CCDC191: variants seen among roughly 807,000 people sequenced by gnomAD.
The protein encoded by CCDC191 is coiled-coil domain containing 191, also known as coiled-coil domain-containing protein 191.
Under a neutral mutation model 114.0 loss-of-function variants are expected in CCDC191, and 99 were observed. The ratio of observed to expected loss-of-function variants is 0.87; its 90% CI spans 0.74 to 1.03. CCDC191 has a LOEUF of 1.03. Among genes scored for constraint, CCDC191 ranks in the 50% least tolerant of loss-of-function variants. CCDC191 has a pLI of 0.00. For synonymous variants in CCDC191, 351 were observed against 376.0 expected (o/e 0.93, Z 0.77); for missense variants, 973 against 1,087.0 (o/e 0.90, Z 1.47).
intron 3 of CCDC191, 84 bp from the exon 4 acceptor site, chr3:114,042,930 T>A: frequency 7.9e-7 from 1 of 1,264,492 alleles, no homozygotes; most frequent in Non-Finnish European, 1.1e-6. Flanking sequence ...TCAATAAATA[T>A]TAATTGAGTA....
At chr3:114,054,925 A>C (rs969242580) in intron 1 of CCDC191, among the ~76,000 whole-genome samples, 1 of 152,028 alleles carries the variant, frequency 6.6e-6, no homozygotes, top group Non-Finnish European at 1.5e-5. Flanking sequence ...TATCCTGATG[A>C]TTTGTCATTG....
intron 16 of CCDC191, among the ~76,000 whole-genome samples, chr3:113,965,595 T>C (rs1559861146): frequency 6.6e-6 from 1 of 152,208 alleles, no homozygotes; most frequent in East Asian, 1.9e-4. Context: ...TTTTATTTTA[T>C]TTATTTTCTT....
At chr3:114,036,383 C>CT (rs1254581454) in intron 5 of CCDC191, among the ~76,000 whole-genome samples, 1 of 151,758 alleles carries the variant, frequency 6.6e-6, no homozygotes, top group Non-Finnish European at 1.5e-5. Context: ...ATCAATTATT[C>CT]TTTTTTTTCT....
chr3:114,054,062 C>G (rs2076733178), intron 1 of CCDC191: 1 of 153,122 alleles, frequency 6.5e-6, no homozygotes, highest in Non-Finnish European at 1.5e-5. Flanking sequence ...TCTCCTTACT[C>G]CTTTCATAAG....
intron 2 of CCDC191, among the ~76,000 whole-genome samples, chr3:114,050,166 G>A (rs1004295459): frequency 6.6e-6 from 1 of 152,140 alleles, no homozygotes; most frequent in African/African-American, 2.4e-5. Flanking sequence ...TTATTCCCAC[G>A]ATCTTATAAA....
intron 7 of CCDC191, among the ~76,000 whole-genome samples, chr3:114,030,230 GTGTCTAACATTCATATT>G (rs2076385133): frequency 6.6e-6 from 1 of 152,138 alleles, no homozygotes; most frequent in African/African-American, 2.4e-5. Flanking sequence ...AACTGCATAT[GTGTCTAACATTCATATT>G]TGGCAGTTCC....
chr3:113,989,214 C>T (rs1235742524), intron 13 of CCDC191, among the ~76,000 whole-genome samples: 1 of 152,176 alleles, frequency 6.6e-6, no homozygotes, highest in Non-Finnish European at 1.5e-5. Context: ...CTTCAATAGT[C>T]CTCTCTCAAT....
In CCDC191 at chr3:114,053,593, T is replaced by C; in HGVS notation, c.129+4A>G. The C allele has an allele frequency of 6.4e-7, 1 of 1,563,450 alleles. No individual in the cohort carries two copies. Among genetic ancestry groups the C allele is most frequent in the Non-Finnish European group, 8.8e-7 (1 of 1,139,238 alleles). ...TTTTTATTCTAAATTTGAAATATCC[T>C]TACCTTTATCCAGTGTTCCACACTG... On this transcript the variant is annotated splice_donor_region_variant and intron_variant, in intron 2 of 16. Transcript: ENST00000295878.
At position 113,965,083 on chromosome 3, in the gene CCDC191, G is replaced by T; in HGVS notation, c.*72C>A. The T allele has an allele frequency of 1.2e-6, 1 of 822,788 alleles. No homozygotes were observed. The highest frequency in any genetic ancestry group is 1.9e-6 in the Non-Finnish European group (1 of 521,578). The allele number at this position is 822,788 out of a possible 1,614,324, so 51.0% of individuals were successfully genotyped here. A position where few individuals can be genotyped will look rare whatever the true frequency, so the allele number is the denominator to read the frequency against. On this transcript the variant is annotated 3_prime_UTR_variant, in exon 17 of 17. Coordinates refer to ENST00000295878, the MANE Select transcript of CCDC191 (RefSeq NM_020817.2). ...ATAAACCAGGTGTATGTATGTATGT[G>T]TGTGGGTGGGTGGAGATAACACACA...
rs753367490 is a variant in CCDC191, at chr3:113,965,377, GA to G, written c.2607-19del. 5.4e-6 allele frequency: 8 copies of G among 1,490,304 alleles called. 1 individual carries two copies. The Admixed American group carries it at 1.3e-4, about 25-fold the overall frequency. 92.3% of individuals were successfully genotyped at this position (1,490,304 alleles called of 1,614,324 possible). A position where few individuals can be genotyped will look rare whatever the true frequency, so the allele number is the denominator to read the frequency against. Reference sequence around the variant, plus strand: ...GGATCCTCCTTTAAGAATAAAGAAGGAAAAAAGTGAAATGTTGAGAAAAAGT... The same window carrying G: ...GGATCCTCCTTTAAGAATAAAGAAGGAAAAAGTGAAATGTTGAGAAAAAGT... On this transcript the variant is annotated intron_variant, in intron 16 of 16. Transcript: ENST00000295878.
At chr3:114,027,601 C>CAAAAAAAAAAAAAA (rs67548547) in intron 7 of CCDC191, among the ~76,000 whole-genome samples, 2 of 60,122 alleles carry the variant, frequency 3.3e-5, no homozygotes, top group Non-Finnish European at 3.3e-5. Context: ...GACTCTGTCT[C>CAAAAAAAAAAAAAA]AAAAAAAAAA....
In CCDC191 at chr3:114,042,709, A is replaced by C; in HGVS notation, c.409T>G (p.Phe137Val). The part of the protein sequence containing the change: ...EANGHLKYDK[F>V]DDLCGYLEEE... ...CAATCAGGTAAGTTCTTACCATCAA[A>C]CTTGTCATATTTCAAATGGCCATTG... is the stretch of plus-strand genomic sequence containing the variant. The change falls in exon 4 of 17, where the codon TTT becomes GTT. Residue 137 changes from phenylalanine (F) to valine (V), a missense_variant. Phe to Val is a conservative substitution (Grantham distance 50). Transcript: ENST00000295878. The C allele has an allele frequency of 6.3e-7, 1 of 1,577,990 alleles. No homozygotes were observed. Among genetic ancestry groups the C allele is most frequent in the Non-Finnish European group, 8.6e-7 (1 of 1,167,216 alleles).
chr3:114,050,395 CT>C (rs1324816175), intron 2 of CCDC191, among the ~76,000 whole-genome samples: 2 of 152,198 alleles, frequency 1.3e-5, no homozygotes, highest in Non-Finnish European at 2.9e-5. Flanking sequence ...GCTACCCATT[CT>C]TTTTTAATCA....
intron 13 of CCDC191, among the ~76,000 whole-genome samples, chr3:113,992,634 G>A (rs544672334): frequency 3.9e-5 from 6 of 152,214 alleles, no homozygotes; most frequent in South Asian, 2.1e-4. Flanking sequence ...GCTAAATGAC[G>A]AGTTAATGGG....
At chr3:114,003,879 A>G (rs1485384969) in intron 11 of CCDC191, 17 of 985,476 alleles carry the variant, frequency 1.7e-5, no homozygotes, top group East Asian at 1.1e-4. Context: ...ACATGCAAAC[A>G]TAAGTACAGT....
intron 2 of CCDC191, 119 bp from the exon 3 acceptor site, chr3:114,046,851 C>T: frequency 7.2e-7 from 1 of 1,393,724 alleles, no homozygotes; most frequent in Non-Finnish European, 9.3e-7. Context: ...TTCATTTTTC[C>T]ATTTTTGGAG....
chr3:114,018,570 G>A (rs890282985), intron 8 of CCDC191, 108 bp downstream of exon 8: 18 of 843,776 alleles, frequency 2.1e-5, no homozygotes, highest in Non-Finnish European at 2.7e-5. Flanking sequence ...TATTTCATAA[G>A]TGGTTAAGAT....
Position 114,046,583 on chromosome 3 carries a change from T to A in CCDC191, c.271+8A>T, listed in dbSNP as rs757707714. On this transcript the variant is annotated splice_region_variant and intron_variant, in intron 3 of 16. Transcript: ENST00000295878. ...GTTAACATCGCAGCAGAAAATGCAT[T>A]CTCTTACCTTCTGCATAGATTTCAT... is the stretch of plus-strand genomic sequence containing the variant. 6.0e-6 allele frequency: 9 copies of A among 1,497,578 alleles called. No individual in the cohort carries two copies. The Admixed American group carries it at 1.0e-4, about 17-fold the overall frequency. 92.8% of individuals were successfully genotyped at this position (1,497,578 alleles called of 1,614,324 possible).
chr3:113,988,362 C>T (rs1186509154), intron 13 of CCDC191, among the ~76,000 whole-genome samples: 3 of 151,844 alleles, frequency 2.0e-5, no homozygotes, highest in Admixed American at 1.3e-4. Context: ...GGCATGGTGG[C>T]GGGCGCCTGT....
Sources: gnomAD v4.1 joint callset for allele counts (sites outside exome capture counted in the v4.1 genomes callset) on GRCh38, gnomAD v4.1.1 for gene constraint, MANE v1.5 for transcripts, NCBI Gene and HGNC (gene_info 2026-07-23, HGNC 2026-07-21) for gene names.